The following VCP variants were observed in gnomAD, a reference collection of about 807,000 sequenced individuals.
The protein encoded by VCP is transitional endoplasmic reticulum ATPase.
In VCP, 6 loss-of-function variants were observed where a neutral mutation model predicts 85.7. That is an observed-to-expected ratio of 0.07 (90% CI 0.04 to 0.14). The LOEUF (loss-of-function observed/expected upper bound fraction) is 0.14. VCP is among the 10% of genes least tolerant of loss of function. The pLI is 1.00. For missense variants in VCP, 353 were observed against 1,043.4 expected, an observed-to-expected ratio of 0.34 and a Z score of 9.12; for synonymous variants, 384 against 367.1, an observed-to-expected ratio of 1.05 and a Z score of -0.53.
chr9:35,066,079 T>C (rs1270027171), intron 4 of VCP, among the ~76,000 whole-genome samples: 4 of 150,780 alleles, frequency 2.7e-5, no homozygotes, highest in African/African-American at 9.7e-5. Flanking sequence ...TGAGCCGAGA[T>C]TGCACCACTG....
At chr9:35,070,368 C>T (rs943949304) in intron 1 of VCP, among the ~76,000 whole-genome samples, 1 of 152,148 alleles carries the variant, frequency 6.6e-6, no homozygotes, top group Non-Finnish European at 1.5e-5. Context: ...AGGGACTGCC[C>T]ATCTTCTTGC....
rs925714162 is a variant in VCP, at chr9:35,072,575, G to T, written c.-222C>A. ...GCGAGGTGGCAGTGGCAGTGGCAGC[G>T]GCAGCGGCAGCGACGACTCAAACGA... On this transcript the variant is annotated 5_prime_UTR_variant, in exon 1 of 17. Transcript: ENST00000358901. The T allele has an allele frequency of 3.9e-6, 2 of 512,464 alleles. No individual in the cohort carries two copies. Among genetic ancestry groups the T allele is most frequent in the Non-Finnish European group, 6.6e-6 (2 of 304,956 alleles). 31.7% of individuals were successfully genotyped at this position (512,464 alleles called of 1,614,324 possible). A position where few individuals can be genotyped will look rare whatever the true frequency, so the allele number is the denominator to read the frequency against.
At chr9:35,069,369 A>G (rs1397537182) in intron 1 of VCP, among the ~76,000 whole-genome samples, 1 of 150,384 alleles carries the variant, frequency 6.6e-6, no homozygotes, top group African/African-American at 2.5e-5. Flanking sequence ...AGGATCATTC[A>G]CCAGACAGTG....
intron 1 of VCP, 103 bp from the exon 2 acceptor site, chr9:35,068,465 C>G (rs1587130964): frequency 2.8e-6 from 3 of 1,068,006 alleles, no homozygotes; most frequent in Non-Finnish European, 4.4e-6. Context: ...TGAAGCTGTC[C>G]CTAGACCAGA....
intron 3 of VCP, 70 bp from the exon 4 acceptor site, chr9:35,066,887 C>T (rs1367005122): frequency 1.9e-6 from 3 of 1,610,664 alleles, no homozygotes; most frequent in Non-Finnish European, 2.5e-6. Context: ...TCCAAAAGGG[C>T]CTGGCACAGA....
intron 1 of VCP, among the ~76,000 whole-genome samples, chr9:35,070,936 G>A (rs1049374179): frequency 6.6e-6 from 1 of 152,134 alleles, no homozygotes; most frequent in Non-Finnish European, 1.5e-5. Flanking sequence ...AGCAGTTCTG[G>A]ACACTCTTTG....
rs761051164 is a variant in VCP at position 35,062,068 on chromosome 9, G to A, written c.1016C>T (p.Ala339Val). 1 of 1,614,126 alleles carries A rather than the reference G, an allele frequency of 6.2e-7. No homozygotes were observed. Among genetic ancestry groups the A allele is most frequent in the South Asian group, 1.1e-5 (1 of 91,080 alleles). ...LTLMDGLKQRAHVIVMAATNR... is the reference protein window; with the variant it reads ...LTLMDGLKQRVHVIVMAATNR... ...GGTTGCTGCCATAACAATCACATGTGCCCTCTGCTTTAGGCCATCCATGAG... is the reference window on the plus strand; with the variant it reads ...GGTTGCTGCCATAACAATCACATGTACCCTCTGCTTTAGGCCATCCATGAG... Residue 339 changes from alanine to valine, a missense_variant, in exon 9 of 17, where the codon GCA (alanine) becomes GTA (valine). Transcript: ENST00000358901.
At chr9:35,062,902 G>C in intron 7 of VCP, 76 bp downstream of exon 7, 1 of 1,402,166 alleles carries the variant, frequency 7.1e-7, no homozygotes, top group Non-Finnish European at 1.0e-6. Flanking sequence ...AAAAGGATGT[G>C]TTCATAAGTG....
chr9:35,058,483 C>T (rs980700435), intron 15 of VCP, among the ~76,000 whole-genome samples: 2 of 152,226 alleles, frequency 1.3e-5, no homozygotes, highest in African/African-American at 2.4e-5. Flanking sequence ...CAGCTCAAAA[C>T]CTTGCTCTGT....
At chr9:35,060,704 TCA>T in intron 12 of VCP, 95 bp downstream of exon 12, 1 of 1,605,040 alleles carries the variant, frequency 6.2e-7, no homozygotes, top group Non-Finnish European at 8.5e-7. Context: ...AGTCGTGCTC[TCA>T]CAACTCTTGC....
chr9:35,064,971 G>A (rs181282686), intron 5 of VCP, among the ~76,000 whole-genome samples: 280 of 152,272 alleles, frequency 1.8e-3, no homozygotes, highest in Non-Finnish European at 2.6e-3. Context: ...GGGTTCAACC[G>A]ATTCTCCTGC....
Position 35,057,393 on chromosome 9 carries a change from C to T in VCP, c.2298G>A (p.Arg766=), listed in dbSNP as rs1362606386. 6.2e-7 allele frequency: 1 copy of T among 1,614,276 alleles called. No individual in the cohort carries two copies. The highest frequency in any genetic ancestry group is 1.7e-5 in the Admixed American group (1 of 60,038). The change falls in exon 16 of 17, where the codon CGG becomes CGA. Residue 766 remains arginine (R), a synonymous_variant. Transcript: ENST00000358901. ...CAACTTACCTGAAGCTGCCAAAGCCCCGACTCTGCTGAAGGGTCTGGGCAA... is the reference window on the plus strand; with the variant it reads ...CAACTTACCTGAAGCTGCCAAAGCCTCGACTCTGCTGAAGGGTCTGGGCAA... ...EMFAQTLQQS[R]GFGSFRFPSG...
rs1317719602 is a variant in VCP at position 35,059,314 on chromosome 9, C to T, written c.2005-95G>A. The T allele has an allele frequency of 1.3e-6, 2 of 1,576,370 alleles. No individual in the cohort carries two copies. The highest frequency in any genetic ancestry group is 1.4e-5 in the African/African-American group (1 of 74,056). The stretch of plus-strand genomic sequence containing the variant: ...CCGAGCACTCCCAACTACAGTTTGC[C>T]CCTTCTTTGGCCACCCCATTTTATT... On this transcript the variant is annotated intron_variant, in intron 14 of 16. Transcript: ENST00000358901. The surrounding 1 kb of genome is among the most constrained non-coding windows in gnomAD (Gnocchi z 4.9).
rs1268360067 is a variant in VCP at position 35,059,842 on chromosome 9, G to A, written c.1696-41C>T. ...ATTGATTCAAGCACTAACAAAACTA[G>A]ATGTCTCTAGGCAAACGTGGTGGCT... On this transcript the variant is annotated intron_variant, in intron 13 of 16. Coordinates refer to ENST00000358901, the MANE Select transcript of VCP (RefSeq NM_007126.5). The surrounding 1 kb of genome is among the most constrained non-coding windows in gnomAD (Gnocchi z 4.9). 1 of 1,613,412 alleles carries A rather than the reference G, an allele frequency of 6.2e-7. No individual in the cohort carries two copies.
chr9:35,062,435 C>A, intron 7 of VCP, 85 bp from the exon 8 acceptor site: 1 of 1,602,352 alleles, frequency 6.2e-7, no homozygotes, highest in Non-Finnish European at 8.5e-7. Flanking sequence ...CTTGTTTGGC[C>A]CAGAGACAGG....
At chr9:35,064,865 C>T (rs902097381) in intron 5 of VCP, among the ~76,000 whole-genome samples, 1 of 152,176 alleles carries the variant, frequency 6.6e-6, no homozygotes, top group Non-Finnish European at 1.5e-5. Context: ...CTCCAAAGAA[C>T]ACCCAGTCTT....
chr9:35,072,304 G>A, intron 1 of VCP, 33 bp downstream of exon 1: 2 of 1,482,518 alleles, frequency 1.3e-6, no homozygotes, highest in East Asian at 2.9e-5. Flanking sequence ...GGTGCGCGCC[G>A]CCGCAGCAAG....
At chr9:35,072,106 G>A (rs1434672012) in intron 1 of VCP, 4 of 1,349,182 alleles carry the variant, frequency 3.0e-6, no homozygotes, top group Non-Finnish European at 3.8e-6. Flanking sequence ...ATCCGGCCCA[G>A]GCTCCGACCC....
chr9:35,064,464 A>T (rs1043846009), intron 5 of VCP, among the ~76,000 whole-genome samples, 179 bp from the exon 6 acceptor site: 3 of 152,192 alleles, frequency 2.0e-5, no homozygotes, highest in African/African-American at 7.2e-5. Context: ...GGTGGGAGGA[A>T]TGCTTGAGTC....
Sources: allele counts gnomAD v4.1 joint callset (sites outside exome capture counted in the v4.1 genomes callset), GRCh38; gene constraint gnomAD v4.1.1; non-coding constraint Gnocchi (gnomAD v3.1); transcripts MANE v1.5; gene names NCBI Gene and HGNC (gene_info 2026-07-23, HGNC 2026-07-21).